APOL5: variants seen among roughly 807,000 people sequenced by gnomAD.
The protein encoded by APOL5 is apolipoprotein L5.
A neutral mutation model predicts 35.5 loss-of-function variants in APOL5; 29 were observed. That is an observed-to-expected ratio of 0.82 (90% CI 0.61 to 1.11). APOL5 has a LOEUF of 1.11. APOL5 is among the 50% of genes most tolerant of loss of function. The pLI is 0.00. For missense variants in APOL5, 514 were observed against 530.4 expected, an observed-to-expected ratio of 0.97 and a Z score of 0.30; for synonymous variants, 188 against 200.2, an observed-to-expected ratio of 0.94 and a Z score of 0.51.
Position 35,728,710 on chromosome 22 carries a change from T to C in APOL5, c.1127-13T>C. 6.2e-7 allele frequency: 1 copy of C among 1,609,598 alleles called. No homozygotes were observed. Among genetic ancestry groups the C allele is most frequent in the Non-Finnish European group, 8.5e-7 (1 of 1,178,290 alleles). On this transcript the variant is annotated splice_polypyrimidine_tract_variant and intron_variant, in intron 3 of 4. Coordinates refer to ENST00000249044, the MANE Select transcript of APOL5 (RefSeq NM_030642.1). ...CTTGGAAGTTGTAAGACACAGGGAC[T>C]CATGTTCCACAGGGTCTCGCTCACC...
upstream of APOL5, among the ~76,000 whole-genome samples, chr22:35,717,255 T>TATATATATATATATATA (rs1167745529): frequency 1.6e-4 from 20 of 123,102 alleles, no homozygotes; most frequent in African/African-American, 3.8e-4. Flanking sequence ...TATATATATA[T>TATATATATATATATATA]TAGCTGGGTG....
At chr22:35,724,205 C>T (rs1418391311) in intron 2 of APOL5, among the ~76,000 whole-genome samples, 3 of 151,764 alleles carry the variant, frequency 2.0e-5, no homozygotes, top group Non-Finnish European at 4.4e-5. Context: ...GTTGCATGCG[C>T]CTGTAGTCCC....
chr22:35,722,134 C>G (rs1414386240), intron 2 of APOL5, among the ~76,000 whole-genome samples: 1 of 152,198 alleles, frequency 6.6e-6, no homozygotes, highest in African/African-American at 2.4e-5. Context: ...CAGGCACAGC[C>G]ATTTTTCTTA....
intron 3 of APOL5, among the ~76,000 whole-genome samples, chr22:35,728,302 C>G (rs1272316189): frequency 6.6e-6 from 1 of 152,198 alleles, no homozygotes; most frequent in Non-Finnish European, 1.5e-5. Context: ...TGGCTCACTG[C>G]AAGCTCCGCC....
chr22:35,717,842 T>C, upstream of APOL5: 3 of 1,535,278 alleles, frequency 2.0e-6, no homozygotes, highest in Non-Finnish European at 2.6e-6. Context: ...TTAATCATAT[T>C]ATAAGCTTAA....
Position 35,726,470 on chromosome 22 carries a change from T to C in APOL5, c.402T>C (p.Leu134=), listed in dbSNP as rs17723764. Reference sequence around the variant, plus strand: ...AAGTTGACACCACTCACGAGTTGCTTACCAAGACCAGCCTGGTGGCCAGCT... The same window carrying C: ...AAGTTGACACCACTCACGAGTTGCTCACCAAGACCAGCCTGGTGGCCAGCT... ...ADQVDTTHEL[L]TKTSLVASSS... Residue 134 remains leucine, a synonymous_variant, in exon 3 of 5, where the codon CTT becomes CTC. Coordinates refer to ENST00000249044, the MANE Select transcript of APOL5 (RefSeq NM_030642.1). The C allele has an allele frequency of 0.32, 514,199 of 1,613,918 alleles. 84,826 individuals are homozygous for C. Among genetic ancestry groups the C allele is most frequent in the Middle Eastern group, 0.4 (2,431 of 6,062 alleles).
chr22:35,717,815 G>A, upstream of APOL5: 2 of 1,281,352 alleles, frequency 1.6e-6, no homozygotes, highest in Non-Finnish European at 2.1e-6. Context: ...CAGGCATGGA[G>A]AAGGGAGTCA....
chr22:35,720,050 T>G (rs5999977), intron 1 of APOL5, among the ~76,000 whole-genome samples: 103,291 of 152,076 alleles, frequency 0.68, 35,543 homozygotes, highest in African/African-American at 0.77. Context: ...GTATTCTTCT[T>G]CCTGTGTGTT....
chr22:35,728,693 T>C, intron 3 of APOL5, 30 bp from the exon 4 acceptor site: 4 of 1,598,932 alleles, frequency 2.5e-6, no homozygotes, highest in Non-Finnish European at 3.4e-6. Context: ...TTCTTGGAAG[T>C]TGTAAGACAC....
the APOL5 span, among the ~76,000 whole-genome samples, chr22:35,712,669 G>A: frequency 6.6e-6 from 1 of 151,994 alleles, no homozygotes; most frequent in Non-Finnish European, 1.5e-5. Flanking sequence ...TTTTTGTGTA[G>A]ACCTTGTGTT....
intron 1 of APOL5, among the ~76,000 whole-genome samples, chr22:35,719,395 A>G (rs1402946971): frequency 6.6e-6 from 1 of 152,184 alleles, no homozygotes; most frequent in African/African-American, 2.4e-5. Flanking sequence ...GAGCCTTGTC[A>G]TCAGGCAGGT....
chr22:35,729,176 C>T (rs1012884232), intron 4 of APOL5, among the ~76,000 whole-genome samples, 178 bp from the exon 5 acceptor site: 3 of 152,150 alleles, frequency 2.0e-5, no homozygotes, highest in East Asian at 3.9e-4. Context: ...ACCTCTGTGC[C>T]GGGCATCATG....
At chr22:35,728,201 G>A (rs1006229920) in intron 3 of APOL5, among the ~76,000 whole-genome samples, 2 of 152,156 alleles carry the variant, frequency 1.3e-5, no homozygotes, top group African/African-American at 4.8e-5. Context: ...GATATGACCT[G>A]GATTTTAGAC....
chr22:35,712,379 T>A, the APOL5 span, among the ~76,000 whole-genome samples: 11 of 152,026 alleles, frequency 7.2e-5, no homozygotes, highest in Non-Finnish European at 1.3e-4. Flanking sequence ...TCAAAATAAT[T>A]ATTATTTTTT....
chr22:35,711,268 G>A, the APOL5 span, among the ~76,000 whole-genome samples: 9 of 152,076 alleles, frequency 5.9e-5, no homozygotes, highest in African/African-American at 2.2e-4. Flanking sequence ...ATCACCTTTT[G>A]GTCATCCATT....
chr22:35,716,669 C>T (rs1372054942), upstream of APOL5, among the ~76,000 whole-genome samples: 2 of 152,146 alleles, frequency 1.3e-5, no homozygotes, highest in Non-Finnish European at 2.9e-5. Context: ...CCTAAATCTC[C>T]CTCCCTGAGC....
chr22:35,720,395 A>G (rs1926924975), intron 1 of APOL5, among the ~76,000 whole-genome samples, 173 bp from the exon 2 acceptor site: 1 of 152,226 alleles, frequency 6.6e-6, no homozygotes, highest in African/African-American at 2.4e-5. Flanking sequence ...GTTTAAAATC[A>G]TTAGACAAAA....
At chr22:35,717,784 A>C, upstream of APOL5, 1 of 657,020 alleles carries the variant, frequency 1.5e-6, no homozygotes. Context: ...AAAATAGGTG[A>C]GGACTGGGAG....
chr22:35,717,235 A>AAAAAATATATATATAT, upstream of APOL5, among the ~76,000 whole-genome samples: 3 of 57,660 alleles, frequency 5.2e-5, no homozygotes, highest in African/African-American at 1.6e-4. Flanking sequence ...AAAAAAAAAA[A>AAAAAATATATATATAT]ATATATATAT....
Sources: allele counts gnomAD v4.1 joint callset (sites outside exome capture counted in the v4.1 genomes callset), GRCh38; gene constraint gnomAD v4.1.1; transcripts MANE v1.5; gene names NCBI Gene and HGNC (gene_info 2026-07-23, HGNC 2026-07-21).